Variants in PMM2 observed in about 807,000 individuals in gnomAD.
PMM2 encodes mannose-6-phosphate isomerase.
Under a neutral mutation model 33.2 loss-of-function variants are expected in PMM2, and 35 were observed. The ratio of observed to expected loss-of-function variants is 1.06; its 90% CI spans 0.81 to 1.40. The LOEUF (loss-of-function observed/expected upper bound fraction) is 1.40, where lower values mean the gene tolerates loss of function less well. Ranked by LOEUF, PMM2 falls within the 40% of genes most tolerant of loss-of-function variation. The probability of loss-of-function intolerance (pLI) is 0.00; values close to 1 mark genes in which losing one functional copy is unlikely to be tolerated. For missense variants in PMM2, 386 were observed against 306.0 expected, an observed-to-expected ratio of 1.26 and a Z score of -1.95; for synonymous variants, 153 against 114.7, an observed-to-expected ratio of 1.33 and a Z score of -2.13.
At chr16:8,837,557 G>A (rs2060858422) in intron 7 of PMM2, among the ~76,000 whole-genome samples, 1 of 151,670 alleles carries the variant, frequency 6.6e-6, no homozygotes, top group East Asian at 1.9e-4. Context: ...GAAAAGCAGA[G>A]AAGGGGTTGG....
Position 8,847,868 on chromosome 16 carries a change from T to A in PMM2, c.*43T>A. 1 of 1,477,946 alleles carries A rather than the reference T, an allele frequency of 6.8e-7. No homozygotes were observed. The highest frequency in any genetic ancestry group is 9.4e-7 in the Non-Finnish European group (1 of 1,061,506). 91.6% of individuals were successfully genotyped at this position (1,477,946 alleles called of 1,614,324 possible). ...CGGGGTCCCGGCTGACAAGCCAGCATAGGGCATTCGGTGGCCAGAGCCGAG... is the reference window on the plus strand; with the variant it reads ...CGGGGTCCCGGCTGACAAGCCAGCAAAGGGCATTCGGTGGCCAGAGCCGAG... On this transcript the variant is annotated 3_prime_UTR_variant, in exon 8 of 8. Coordinates refer to ENST00000268261, the MANE Select transcript of PMM2 (RefSeq NM_000303.3).
intron 7 of PMM2, chr16:8,832,563 A>C: frequency 1.0e-6 from 1 of 985,346 alleles, no homozygotes; most frequent in Non-Finnish European, 1.2e-6. Flanking sequence ...GACTAGCATA[A>C]ACCCTTTTTG....
At position 8,811,121 on chromosome 16, in the gene PMM2, C is replaced by T. The variant is rs763944822; in HGVS notation, c.390C>T (p.Ser130=). 2 of 1,577,536 alleles carry T rather than the reference C, an allele frequency of 1.3e-6. No individual in the cohort carries two copies. Among genetic ancestry groups the T allele is most frequent in the East Asian group, 2.3e-5 (1 of 43,674 alleles). The change falls in exon 5 of 8, where the codon TCC becomes TCT. Residue 130 remains serine (S), a synonymous_variant. Coordinates refer to ENST00000268261, the MANE Select transcript of PMM2 (RefSeq NM_000303.3). ...TCCGAAATGGGATGTTAAACGTGTC[C>T]CCTATTGGAAGAAGCTGCAGCCAAG... is the stretch of plus-strand genomic sequence containing the variant. The part of the protein sequence containing the change: ...IEFRNGMLNV[S]PIGRSCSQEE...
chr16:8,797,896 G>C lies in PMM2; in HGVS notation c.14G>C (p.Gly5Ala). 1.2e-6 allele frequency: 2 copies of C among 1,611,582 alleles called. No individual in the cohort carries two copies. The highest frequency in any genetic ancestry group is 8.5e-7 in the Non-Finnish European group (1 of 1,179,266). The change falls in exon 1 of 8, where the codon GGC becomes GCC. Residue 5 changes from glycine to alanine, a missense_variant. By Grantham distance (60) the Gly-to-Ala change is moderately conservative. Coordinates refer to ENST00000268261, the MANE Select transcript of PMM2 (RefSeq NM_000303.3). MAAPGPALCLFDVDG... is the reference protein window; with the variant it reads MAAPAPALCLFDVDG... ...GAAACTGGGGACATGGCAGCGCCTG[G>C]CCCAGCGCTCTGCCTCTTCGACGTG...
intron 1 of PMM2, among the ~76,000 whole-genome samples, chr16:8,800,503 T>C (rs1425178572): frequency 1.3e-5 from 2 of 152,190 alleles, no homozygotes; most frequent in Non-Finnish European, 2.9e-5. Context: ...TTTTTTAAAA[T>C]TATCACACAG....
At chr16:8,816,608 G>C (rs537372186) in intron 7 of PMM2, among the ~76,000 whole-genome samples, 8 of 152,024 alleles carry the variant, frequency 5.3e-5, no homozygotes, top group Admixed American at 5.2e-4. Flanking sequence ...GGGCATGGTG[G>C]TGCACACCTG....
chr16:8,802,633 A>C (rs1168412755), intron 2 of PMM2, among the ~76,000 whole-genome samples: 1 of 152,054 alleles, frequency 6.6e-6, no homozygotes, highest in East Asian at 1.9e-4. Context: ...GTTTGAGACC[A>C]GCCTGGCCGA....
At chr16:8,816,197 G>A (rs2060707086) in intron 7 of PMM2, among the ~76,000 whole-genome samples, 1 of 151,964 alleles carries the variant, frequency 6.6e-6, no homozygotes, top group Non-Finnish European at 1.5e-5. Flanking sequence ...TGCGATCTTG[G>A]CTCACTGCAA....
intron 7 of PMM2, among the ~76,000 whole-genome samples, chr16:8,835,131 G>C (rs1054929763): frequency 3.4e-5 from 5 of 148,852 alleles, no homozygotes; most frequent in African/African-American, 1.2e-4. Context: ...AGACATGAGG[G>C]CTAGGCTAAA....
chr16:8,842,911 A>C (rs963356578), intron 7 of PMM2, among the ~76,000 whole-genome samples: 16 of 152,050 alleles, frequency 1.1e-4, no homozygotes, highest in African/African-American at 3.4e-4. Context: ...TCAGGGAAGG[A>C]GTAGAAATGT....
intron 7 of PMM2, among the ~76,000 whole-genome samples, chr16:8,815,208 T>C (rs1450975912): frequency 1.4e-5 from 2 of 147,852 alleles, no homozygotes; most frequent in African/African-American, 5.0e-5. Context: ...GAATACACTA[T>C]ATTTTCTTTC....
At chr16:8,845,729 C>A (rs1567171301) in intron 7 of PMM2, among the ~76,000 whole-genome samples, 1 of 152,130 alleles carries the variant, frequency 6.6e-6, no homozygotes, top group East Asian at 1.9e-4. Flanking sequence ...CCACCACACC[C>A]AGCTAGGTTG....
intron 7 of PMM2, among the ~76,000 whole-genome samples, chr16:8,835,381 G>A (rs182403972): frequency 1.3e-5 from 2 of 152,030 alleles, no homozygotes; most frequent in African/African-American, 4.8e-5. Context: ...AGTAGTGGGG[G>A]CTGTCTGTGA....
At chr16:8,840,822 A>AT (rs1464594432) in intron 7 of PMM2, among the ~76,000 whole-genome samples, 1 of 151,962 alleles carries the variant, frequency 6.6e-6, no homozygotes, top group Non-Finnish European at 1.5e-5. Context: ...GAGGAGTCAG[A>AT]TTAACAAGAA....
At chr16:8,836,126 A>C (rs2060844450) in intron 7 of PMM2, among the ~76,000 whole-genome samples, 2 of 150,950 alleles carry the variant, frequency 1.3e-5, no homozygotes, top group Non-Finnish European at 3.0e-5. Context: ...TTACGGAGGC[A>C]AGGGAAACAG....
chr16:8,805,249 G>A (rs1300617220), intron 3 of PMM2, among the ~76,000 whole-genome samples: 1 of 151,856 alleles, frequency 6.6e-6, no homozygotes, highest in Non-Finnish European at 1.5e-5. Flanking sequence ...TGTATTTTTG[G>A]TAGAGACAGG....
At chr16:8,834,998 T>A (rs1284702865) in intron 7 of PMM2, among the ~76,000 whole-genome samples, 1 of 151,920 alleles carries the variant, frequency 6.6e-6, no homozygotes, top group Non-Finnish European at 1.5e-5. Context: ...AGAAAGTATA[T>A]GCATCAGGTA....
At chr16:8,818,699 C>T (rs974069957) in intron 7 of PMM2, among the ~76,000 whole-genome samples, 1 of 152,170 alleles carries the variant, frequency 6.6e-6, no homozygotes, top group East Asian at 1.9e-4. Flanking sequence ...TGGAGCAACT[C>T]GAGAGCAGAG....
At chr16:8,808,741 C>G (rs985464127) in intron 4 of PMM2, 4 of 152,220 alleles carry the variant, frequency 2.6e-5, no homozygotes, top group African/African-American at 9.7e-5. Flanking sequence ...AGCTCTTTTT[C>G]TGATCATTAG....
Sources: allele counts gnomAD v4.1 joint callset (sites outside exome capture counted in the v4.1 genomes callset), GRCh38; gene constraint gnomAD v4.1.1; transcripts MANE v1.5; gene names NCBI Gene and HGNC (gene_info 2026-07-23, HGNC 2026-07-21).